The following ALDH1L2 variants were observed in gnomAD, a reference collection of about 807,000 sequenced individuals.
ALDH1L2 encodes the protein mitochondrial 10-formyltetrahydrofolate dehydrogenase.
In ALDH1L2, 91 loss-of-function variants were observed where a neutral mutation model predicts 111.0. The observed-to-expected ratio is 0.82, with a 90% CI of 0.69 to 0.98. The LOEUF (loss-of-function observed/expected upper bound fraction) is 0.98. Among genes scored for constraint, ALDH1L2 ranks in the 50% least tolerant of loss-of-function variants. The pLI is 0.00. For missense variants in ALDH1L2, 995 were observed against 1,126.8 expected, an observed-to-expected ratio of 0.88 and a Z score of 1.67; for synonymous variants, 374 against 392.6, an observed-to-expected ratio of 0.95 and a Z score of 0.56.
Position 105,039,750 on chromosome 12 carries a change from T to C in ALDH1L2, c.2008A>G (p.Thr670Ala). ...TGTTTGCCAATAGGAGTGGATCCAG[T>C]GAAACCAAGTTTGCGGATGTCAGGA... is the stretch of plus-strand genomic sequence containing the variant. Reference protein sequence around the residue: ...EHPDIRKLGFTGSTPIGKQIM... With the variant: ...EHPDIRKLGFAGSTPIGKQIM... The change falls in exon 17 of 23, where the codon ACT becomes GCT. Residue 670 changes from threonine to alanine, a missense_variant. Thr to Ala is a moderately conservative substitution (Grantham distance 58). Coordinates refer to ENST00000258494, the MANE Select transcript of ALDH1L2 (RefSeq NM_001034173.4). 1 of 1,614,088 alleles carries C rather than the reference T, an allele frequency of 6.2e-7. No individual in the cohort carries two copies. Among genetic ancestry groups the C allele is most frequent in the Non-Finnish European group, 8.5e-7 (1 of 1,179,986 alleles).
At chr12:105,071,155 C>T (rs186235770) in intron 2 of ALDH1L2, among the ~76,000 whole-genome samples, 11 of 152,312 alleles carry the variant, frequency 7.2e-5, no homozygotes, top group Non-Finnish European at 1.2e-4. Flanking sequence ...CAATACTTCA[C>T]CCACCAATTT....
At chr12:105,036,543 TATATATATATATATATATATATAA>T (rs1340239951) in intron 18 of ALDH1L2, among the ~76,000 whole-genome samples, 625 of 44,910 alleles carry the variant, frequency 0.014, 32 homozygotes, top group African/African-American at 0.055. Context: ...TATATATATA[TATATATATATATATATATATATAA>T]AATGGATGTG....
Position 105,073,951 on chromosome 12 carries a change from G to C in ALDH1L2, c.103C>G (p.Gln35Glu), listed in dbSNP as rs779166085. 1 of 1,614,106 alleles carries C rather than the reference G, an allele frequency of 6.2e-7. No homozygotes were observed. Among genetic ancestry groups the C allele is most frequent in the Admixed American group, 1.7e-5 (1 of 60,018 alleles). ...LALIGQSLFG[Q>E]EVYSHLRKEG... ...TTGCGGAGGTGGCTATAGACTTCTT[G>C]TCCAAAGAGGCTCTGGCCAATTAGT... is the stretch of plus-strand genomic sequence containing the variant. The change falls in exon 2 of 23, where the codon CAA becomes GAA. Residue 35 changes from glutamine to glutamate, a missense_variant. Transcript: ENST00000258494.
At chr12:105,026,139 C>A (rs1441521627) in intron 22 of ALDH1L2, among the ~76,000 whole-genome samples, 2 of 152,090 alleles carry the variant, frequency 1.3e-5, no homozygotes, top group Non-Finnish European at 2.9e-5. Context: ...CCAAGAAGCT[C>A]CAGGACAGGA....
Position 105,068,749 on chromosome 12 carries a change from C to A in ALDH1L2, c.564G>T (p.Arg188=). 6.4e-7 allele frequency: 1 copy of A among 1,557,550 alleles called. No homozygotes were observed. The highest frequency in any genetic ancestry group is 8.7e-7 in the Non-Finnish European group (1 of 1,152,552). ...PNDTVDALYN[R]FLFPEGIKAM... ...CCTTGATTCCTTCAGGAAAAAGAAA[C>A]CGATTATAAAGTGCATCCACTGTAT... Residue 188 remains arginine (R), a synonymous_variant, in exon 4 of 23, where the codon CGG becomes CGT. Transcript: ENST00000258494.
intron 19 of ALDH1L2, among the ~76,000 whole-genome samples, chr12:105,033,038 A>G (rs1307250936): frequency 6.6e-6 from 1 of 152,184 alleles, no homozygotes; most frequent in African/African-American, 2.4e-5. Flanking sequence ...GTTAAGTCCA[A>G]TTCTGGTAAG....
At position 105,051,778 on chromosome 12, in the gene ALDH1L2, C is replaced by CTT. The variant is rs1436416607; in HGVS notation, c.1535+310_1535+311dup. 4.1e-3 allele frequency among the ~76,000 whole-genome samples: 448 copies of CTT among 109,396 alleles called. 4 individuals carry two copies. Among genetic ancestry groups the CTT allele is most frequent in the African/African-American group, 0.012 (421 of 34,418 alleles). The allele number at this position is 109,396 out of a possible 152,430, so 71.8% of individuals were successfully genotyped here. A position where few individuals can be genotyped will look rare whatever the true frequency, so the allele number is the denominator to read the frequency against. On this transcript the variant is annotated intron_variant, in intron 12 of 22. Transcript: ENST00000258494. ...AAGGTAGTAGACTCACTTTGTTTTG[C>CTT]TTCTTTTTTTTCCTTTTTTTTTTTG...
At chr12:105,065,679 T>C (rs1877309467) in intron 5 of ALDH1L2, among the ~76,000 whole-genome samples, 1 of 152,040 alleles carries the variant, frequency 6.6e-6, no homozygotes, top group Non-Finnish European at 1.5e-5. Context: ...GAACTTTTTT[T>C]TGAAGTTCCC....
intron 1 of ALDH1L2, 85 bp downstream of exon 1, chr12:105,084,304 A>G: frequency 1.4e-6 from 2 of 1,418,686 alleles, no homozygotes; most frequent in Non-Finnish European, 1.9e-6. Context: ...GCTCATCCCC[A>G]GCCCCACCGC....
rs1470741160 is a variant in ALDH1L2 at position 105,066,593 on chromosome 12, C to A, written c.671G>T (p.Gly224Val). Residue 224 changes from glycine to valine, a missense_variant, in exon 5 of 23, where the codon GGT becomes GTT. Physicochemically the swap from Gly to Val is moderately radical, Grantham distance 109 (BLOSUM62 -3). Transcript: ENST00000258494. Reference protein sequence around the residue: ...PQPEEGATYEGIQKKENAEIS... With the variant: ...PQPEEGATYEVIQKKENAEIS... ...CTCAGCATTTTCCTTTTTCTGGATA[C>A]CTTCATATGTTGCCCCTTCTTCTGG... The A allele has an allele frequency of 1.9e-6, 3 of 1,613,992 alleles. No individual in the cohort carries two copies. The highest frequency in any genetic ancestry group is 2.5e-6 in the Non-Finnish European group (3 of 1,180,014).
chr12:105,031,164 A>T (rs1258260375), intron 20 of ALDH1L2, among the ~76,000 whole-genome samples: 11 of 152,216 alleles, frequency 7.2e-5, no homozygotes, highest in Non-Finnish European at 1.6e-4. Context: ...CACATAACTG[A>T]AATTTACCAT....
At chr12:105,053,056 A>G (rs1011253189) in intron 10 of ALDH1L2, 125 bp from the exon 11 acceptor site, 4 of 1,138,248 alleles carry the variant, frequency 3.5e-6, no homozygotes, top group Admixed American at 2.2e-5. Flanking sequence ...TTCCGACTGT[A>G]CAGAAGACAT....
intron 10 of ALDH1L2, 84 bp downstream of exon 10, chr12:105,057,984 TATAAA>T (rs1876739538): frequency 1.8e-5 from 25 of 1,401,042 alleles, no homozygotes; most frequent in Admixed American, 2.7e-5. Flanking sequence ...AGGTCATAAA[TATAAA>T]AACAAATGGG....
At chr12:105,063,127 T>G in intron 6 of ALDH1L2, 105 bp from the exon 7 acceptor site, 1 of 1,278,168 alleles carries the variant, frequency 7.8e-7, no homozygotes, top group Non-Finnish European at 1.0e-6. Flanking sequence ...CATATTATCA[T>G]CTGTAATAAA....
In ALDH1L2 at chr12:105,022,880, G is replaced by C. The variant is rs1874226021; in HGVS notation, c.*1544C>G. ...TCCAAAATGACAAATATTCCCTAAGGCTTCTTCAAAGCCAAAGAAAAAGGA... is the reference window on the plus strand; with the variant it reads ...TCCAAAATGACAAATATTCCCTAAGCCTTCTTCAAAGCCAAAGAAAAAGGA... On this transcript the variant is annotated 3_prime_UTR_variant, in exon 23 of 23. Transcript: ENST00000258494. 6.6e-6 allele frequency: 1 copy of C among 152,030 alleles called. No individual in the cohort carries two copies. The highest frequency in any genetic ancestry group is 1.5e-5 in the Non-Finnish European group (1 of 68,008). The allele number at this position is 152,030 out of a possible 1,614,324, so 9.4% of individuals were successfully genotyped here.
chr12:105,031,074 A>G (rs1028661682), intron 20 of ALDH1L2, among the ~76,000 whole-genome samples: 6 of 152,050 alleles, frequency 3.9e-5, no homozygotes, highest in African/African-American at 9.7e-5. Flanking sequence ...CTGGTTAATC[A>G]TTGCTTCCTT....
At chr12:105,050,782 C>T (rs1028972576) in intron 12 of ALDH1L2, 3 of 388,820 alleles carry the variant, frequency 7.7e-6, no homozygotes, top group Non-Finnish European at 1.5e-5. Context: ...GGGAACTGCC[C>T]TTTATAAAAC....
chr12:105,050,406 G>A, intron 12 of ALDH1L2: 1 of 201,938 alleles, frequency 5.0e-6, no homozygotes, highest in Non-Finnish European at 1.0e-5. Context: ...ATTTCCAGTT[G>A]GCACAAAAAT....
chr12:105,036,512 TTTTATA>T (rs1565952172), intron 18 of ALDH1L2, among the ~76,000 whole-genome samples: 3 of 56,094 alleles, frequency 5.3e-5, no homozygotes, highest in Admixed American at 5.3e-4. Context: ...TATATATATA[TTTTATA>T]TATATATATA....
Sources: gnomAD v4.1 joint callset for allele counts (sites outside exome capture counted in the v4.1 genomes callset) on GRCh38, gnomAD v4.1.1 for gene constraint, MANE v1.5 for transcripts, NCBI Gene and HGNC (gene_info 2026-07-23, HGNC 2026-07-21) for gene names.